The following COMMD10 variants were observed in gnomAD, a reference collection of about 807,000 sequenced individuals.
The protein encoded by COMMD10 is COMM domain containing 10.
COMMD10 carries 33 observed loss-of-function variants against 28.9 expected under a neutral mutation model. The ratio of observed to expected loss-of-function variants is 1.14; its 90% confidence interval spans 0.87 to 1.53. COMMD10 has a LOEUF of 1.53. Among genes scored for constraint, COMMD10 ranks in the 40% most tolerant of loss-of-function variants. The pLI is 0.00. For synonymous variants in COMMD10, 110 were observed against 81.7 expected, an observed-to-expected ratio of 1.35 and a Z score of -1.87; for missense variants, 310 against 233.4, an observed-to-expected ratio of 1.33 and a Z score of -2.14.
At chr5:116,291,760 A>AGAGAATTT (rs201497505) in intron 6 of COMMD10, among the ~76,000 whole-genome samples, 184 bp downstream of exon 6, 7,948 of 152,172 alleles carry the variant, frequency 0.052, 288 homozygotes, top group East Asian at 0.14. Flanking sequence ...GAAAAACTAA[A>AGAGAATTT]TCAGGAAGAA....
intron 5 of COMMD10, among the ~76,000 whole-genome samples, chr5:116,166,232 A>G (rs906782671): frequency 1.6e-5 from 2 of 127,560 alleles, no homozygotes; most frequent in South Asian, 2.2e-4. Context: ...TAAGATGCAA[A>G]GATTGTTTTT....
At chr5:116,145,100 T>A (rs73253250) in intron 5 of COMMD10, among the ~76,000 whole-genome samples, 47,658 of 151,710 alleles carry the variant, frequency 0.31, 10,362 homozygotes, top group African/African-American at 0.62. Flanking sequence ...ATGATCTGAT[T>A]GCTTCTGTTT....
chr5:116,153,746 C>T (rs952261298), intron 5 of COMMD10, among the ~76,000 whole-genome samples: 1 of 152,038 alleles, frequency 6.6e-6, no homozygotes, highest in Non-Finnish European at 1.5e-5. Flanking sequence ...GCCATGGCTT[C>T]TCTAATAAAC....
At chr5:116,285,285 C>A (rs1751187989) in intron 5 of COMMD10, among the ~76,000 whole-genome samples, 1 of 151,950 alleles carries the variant, frequency 6.6e-6, no homozygotes, top group Non-Finnish European at 1.5e-5. Flanking sequence ...TTCTTGATAT[C>A]TTGGAAAGAC....
chr5:116,141,593 G>A (rs973619075), intron 5 of COMMD10, among the ~76,000 whole-genome samples: 12 of 151,544 alleles, frequency 7.9e-5, no homozygotes, highest in African/African-American at 1.7e-4. Context: ...TTTAATCAGT[G>A]TGTTATAGTT....
At chr5:116,222,063 A>C (rs1018783723) in intron 5 of COMMD10, among the ~76,000 whole-genome samples, 5 of 152,206 alleles carry the variant, frequency 3.3e-5, no homozygotes, top group Non-Finnish European at 7.3e-5. Context: ...ATATGTTCCA[A>C]ATAGAGATGT....
intron 4 of COMMD10, among the ~76,000 whole-genome samples, chr5:116,125,418 C>G (rs147321229): frequency 6.6e-6 from 1 of 152,132 alleles, no homozygotes; most frequent in African/African-American, 2.4e-5. Context: ...CTGAGAGATG[C>G]GCTGTTAGTC....
At position 116,218,033 on chromosome 5, in the gene COMMD10, C is replaced by T. The variant is rs1009996690; in HGVS notation, c.511-73484C>T. ...AAAAATGCACACACTTCTCTTGGCA[C>T]CTCCAGCACCTTCAGCTTTCTGTGC... On this transcript the variant is annotated intron_variant, in intron 5 of 6. Transcript: ENST00000274458. 24 of 1,082,732 alleles carry T rather than the reference C, an allele frequency of 2.2e-5. No homozygotes were observed. The African/African-American group carries it at 3.1e-4, about 14-fold the overall frequency. The allele number at this position is 1,082,732 out of a possible 1,614,324, so 67.1% of individuals were successfully genotyped here.
At chr5:116,098,544 GT>G (rs1333935511) in intron 4 of COMMD10, among the ~76,000 whole-genome samples, 1 of 152,174 alleles carries the variant, frequency 6.6e-6, no homozygotes, top group African/African-American at 2.4e-5. Context: ...GAAATGATGT[GT>G]TGTCATTGTA....
intron 5 of COMMD10, among the ~76,000 whole-genome samples, chr5:116,254,259 C>G (rs1330375921): frequency 3.9e-5 from 6 of 152,070 alleles, no homozygotes. Flanking sequence ...TTCCTGGATT[C>G]ATTAATTTTT....
chr5:116,115,659 T>C lies in COMMD10; in HGVS notation c.400-18409T>C, dbSNP rs1255820845. On this transcript the variant is annotated intron_variant, in intron 4 of 6. Coordinates refer to ENST00000274458, the MANE Select transcript of COMMD10 (RefSeq NM_016144.4). ...GAATTCTTTTCAGACAGAAATTGAA[T>C]GCTATGTTTAATTTTATTCCTGAAA... Among the ~76,000 whole-genome samples the C allele has an allele frequency of 2.0e-5, 3 of 152,228 alleles. No individual in the cohort carries two copies. The East Asian group carries it at 5.8e-4, about 29-fold the overall frequency.
chr5:116,162,505 T>C (rs2112568855), intron 5 of COMMD10, among the ~76,000 whole-genome samples: 1 of 152,346 alleles, frequency 6.6e-6, no homozygotes, highest in Non-Finnish European at 1.5e-5. Flanking sequence ...TGGCAGTGAC[T>C]GTTTAATAAG....
intron 5 of COMMD10, among the ~76,000 whole-genome samples, chr5:116,235,470 C>A (rs571245959): frequency 6.6e-6 from 1 of 152,158 alleles, no homozygotes; most frequent in Non-Finnish European, 1.5e-5. Context: ...ACTTAGCTCT[C>A]ACCTCTTCAT....
At chr5:116,231,643 T>A (rs908724691) in intron 5 of COMMD10, among the ~76,000 whole-genome samples, 2 of 152,148 alleles carry the variant, frequency 1.3e-5, no homozygotes, top group Non-Finnish European at 2.9e-5. Flanking sequence ...GACTTTCAGA[T>A]TCCTACAGTC....
At chr5:116,245,768 A>C (rs1184467358) in intron 5 of COMMD10, among the ~76,000 whole-genome samples, 1 of 152,124 alleles carries the variant, frequency 6.6e-6, no homozygotes, top group Admixed American at 6.6e-5. Flanking sequence ...GATGCAGAAA[A>C]GGCATTTGAT....
intron 5 of COMMD10, among the ~76,000 whole-genome samples, chr5:116,168,406 C>G (rs1753204219): frequency 6.6e-6 from 1 of 152,124 alleles, no homozygotes; most frequent in South Asian, 2.1e-4. Context: ...TAACACCACA[C>G]TTTCGATATT....
At chr5:116,291,392 G>C (rs1751355885) in intron 5 of COMMD10, 125 bp from the exon 6 acceptor site, 1 of 666,722 alleles carries the variant, frequency 1.5e-6, no homozygotes, top group Non-Finnish European at 2.6e-6. Context: ...GAGTAGAGCA[G>C]GTAAGCATTT....
At chr5:116,215,210 A>G (rs1749064509) in intron 5 of COMMD10, among the ~76,000 whole-genome samples, 1 of 151,998 alleles carries the variant, frequency 6.6e-6, no homozygotes, top group African/African-American at 2.4e-5. Flanking sequence ...TGGGTAAAAA[A>G]TTTGGGTGTT....
chr5:116,209,699 C>G (rs140827132), intron 5 of COMMD10, among the ~76,000 whole-genome samples: 1 of 152,132 alleles, frequency 6.6e-6, no homozygotes, highest in African/African-American at 2.4e-5. Context: ...GAAGTCATAG[C>G]GTGCTTGTTA....
Sources: allele counts gnomAD v4.1 joint callset (sites outside exome capture counted in the v4.1 genomes callset), GRCh38; gene constraint gnomAD v4.1.1; transcripts MANE v1.5; gene names NCBI Gene and HGNC (gene_info 2026-07-23, HGNC 2026-07-21).